The following PARP8 variants were observed in gnomAD, a reference collection of about 807,000 sequenced individuals.
PARP8 encodes the protein poly(ADP-ribose) polymerase family member 8.
PARP8 carries 51 observed loss-of-function variants against 124.1 expected under a neutral mutation model. The ratio of observed to expected loss-of-function variants is 0.41; its 90% CI spans 0.33 to 0.52. The LOEUF (loss-of-function observed/expected upper bound fraction) is 0.52, where lower values mean the gene tolerates loss of function less well. Ranked by LOEUF, PARP8 falls within the 20% of genes least tolerant of loss-of-function variation. The probability of loss-of-function intolerance (pLI) is 0.21; values close to 1 mark genes in which losing one functional copy is unlikely to be tolerated. For missense variants in PARP8, 860 were observed against 1,018.9 expected, an observed-to-expected ratio of 0.84 and a Z score of 2.12; for synonymous variants, 391 against 361.5, an observed-to-expected ratio of 1.08 and a Z score of -0.93.
At chr5:50,739,157 G>T (rs1413370228) in intron 2 of PARP8, 3 of 688,052 alleles carry the variant, frequency 4.4e-6, no homozygotes, top group Non-Finnish European at 8.0e-6. Context: ...AGGCCAAAGT[G>T]TAGGACACAG....
At chr5:50,667,763 G>A in intron 1 of PARP8, 1 of 740,704 alleles carries the variant, frequency 1.4e-6, no homozygotes, top group Non-Finnish European at 2.4e-6. Context: ...CGTCCATTTT[G>A]CTCCCCCGGG....
chr5:50,816,859 G>A (rs1745162165), intron 15 of PARP8, among the ~76,000 whole-genome samples: 1 of 151,714 alleles, frequency 6.6e-6, no homozygotes, highest in Non-Finnish European at 1.5e-5. Context: ...AAATGTGAAA[G>A]TTTTTCTTGT....
chr5:50,765,919 C>T (rs979099401), intron 7 of PARP8, among the ~76,000 whole-genome samples: 4 of 152,232 alleles, frequency 2.6e-5, no homozygotes, highest in African/African-American at 9.6e-5. Flanking sequence ...TTGGGGCTTA[C>T]AAGAACTTAA....
intron 7 of PARP8, among the ~76,000 whole-genome samples, chr5:50,773,486 G>A (rs1761833359): frequency 6.6e-6 from 1 of 152,136 alleles, no homozygotes; most frequent in Non-Finnish European, 1.5e-5. Context: ...GGTTGTAAGT[G>A]TATGGATGTA....
chr5:50,800,737 C>T (rs1743110891), intron 14 of PARP8, among the ~76,000 whole-genome samples: 1 of 150,064 alleles, frequency 6.7e-6, no homozygotes, highest in East Asian at 2.0e-4. Flanking sequence ...CTATCTGGGC[C>T]TGGAGATTTC....
At chr5:50,707,618 T>C (rs1754282347) in intron 2 of PARP8, among the ~76,000 whole-genome samples, 1 of 116,564 alleles carries the variant, frequency 8.6e-6, no homozygotes, top group Admixed American at 1.0e-4. Context: ...TAGAGATAGA[T>C]AGGGGAGACA....
intron 7 of PARP8, among the ~76,000 whole-genome samples, chr5:50,777,852 G>A (rs190186275): frequency 1.3e-5 from 2 of 152,234 alleles, no homozygotes; most frequent in Admixed American, 6.5e-5. Context: ...ATGCATGTGC[G>A]TGTACAAGAC....
At chr5:50,813,086 G>A (rs1375884932) in intron 14 of PARP8, among the ~76,000 whole-genome samples, 1 of 152,024 alleles carries the variant, frequency 6.6e-6, no homozygotes, top group Non-Finnish European at 1.5e-5. Flanking sequence ...GCTCTTTTTT[G>A]GTTCCATATG....
intron 2 of PARP8, among the ~76,000 whole-genome samples, chr5:50,727,089 T>C (rs1159575677): frequency 2.6e-5 from 4 of 152,126 alleles, no homozygotes; most frequent in Admixed American, 2.0e-4. Context: ...GCAATTCCTT[T>C]GTATAGTAGT....
chr5:50,675,490 C>G (rs763334693), intron 2 of PARP8, among the ~76,000 whole-genome samples: 1 of 152,038 alleles, frequency 6.6e-6, no homozygotes, highest in African/African-American at 2.4e-5. Context: ...TATTCTTAGT[C>G]GAGACGGGAA....
intron 2 of PARP8, among the ~76,000 whole-genome samples, chr5:50,747,761 C>CTTTTTTTTTTTTTT (rs70972943): frequency 1.9e-5 from 1 of 52,898 alleles, no homozygotes; most frequent in African/African-American, 5.2e-5. Flanking sequence ...ATAGACCTTG[C>CTTTTTTTTTTTTTT]TTTTTTTTTT....
chr5:50,781,986 G>C (rs77169734), intron 9 of PARP8, among the ~76,000 whole-genome samples: 2 of 152,100 alleles, frequency 1.3e-5, no homozygotes, highest in Non-Finnish European at 2.9e-5. Context: ...TGCACTCAGG[G>C]TCTGCTTCTG....
At chr5:50,711,878 C>T (rs1198134449) in intron 2 of PARP8, among the ~76,000 whole-genome samples, 1 of 152,070 alleles carries the variant, frequency 6.6e-6, no homozygotes, top group Non-Finnish European at 1.5e-5. Context: ...GTTAACTTCT[C>T]TTTTCTCTTT....
chr5:50,844,174 C>T lies in PARP8; in HGVS notation c.*2106C>T, dbSNP rs2149739402. The stretch of plus-strand genomic sequence containing the variant: ...GACTTAAGAATAACAGTAGGTTCAC[C>T]TATCTGAGGAAATTAAGTAGTTGAT... On this transcript the variant is annotated 3_prime_UTR_variant, in exon 26 of 26. Coordinates refer to ENST00000281631, the MANE Select transcript of PARP8 (RefSeq NM_024615.4). 6.6e-6 allele frequency: 1 copy of T among 151,852 alleles called. No homozygotes were observed. Among genetic ancestry groups the T allele is most frequent in the East Asian group, 1.9e-4 (1 of 5,158 alleles). 9.4% of individuals were successfully genotyped at this position (151,852 alleles called of 1,614,324 possible). A position where few individuals can be genotyped will look rare whatever the true frequency, so the allele number is the denominator to read the frequency against.
chr5:50,817,940 T>G (rs1411595121), intron 15 of PARP8, among the ~76,000 whole-genome samples: 2 of 152,198 alleles, frequency 1.3e-5, no homozygotes, highest in African/African-American at 4.8e-5. Context: ...TTCACAGACC[T>G]TTTTATCTTC....
chr5:50,739,723 TATATA>T (rs1757831418), intron 2 of PARP8, among the ~76,000 whole-genome samples: 2 of 106,012 alleles, frequency 1.9e-5, no homozygotes, highest in Non-Finnish European at 3.9e-5. Context: ...TATATATATA[TATATA>T]TATATTTTTT....
intron 7 of PARP8, 164 bp downstream of exon 7, chr5:50,763,406 A>G (rs1335345619): frequency 3.5e-6 from 2 of 569,922 alleles, no homozygotes; most frequent in African/African-American, 1.9e-5. Flanking sequence ...ATTTATGGCT[A>G]TTTTTTTGAT....
intron 2 of PARP8, among the ~76,000 whole-genome samples, chr5:50,718,933 T>G (rs887487063): frequency 6.6e-6 from 1 of 152,056 alleles, no homozygotes; most frequent in African/African-American, 2.4e-5. Context: ...CCACCAACAA[T>G]GTACCAGGGG....
intron 2 of PARP8, among the ~76,000 whole-genome samples, chr5:50,688,372 AT>A (rs1346088614): frequency 6.6e-6 from 1 of 152,208 alleles, no homozygotes; most frequent in African/African-American, 2.4e-5. Flanking sequence ...TGCTGTTAGT[AT>A]TTCTATCATG....
Sources: gnomAD v4.1 joint callset for allele counts (sites outside exome capture counted in the v4.1 genomes callset) on GRCh38, gnomAD v4.1.1 for gene constraint, MANE v1.5 for transcripts, NCBI Gene and HGNC (gene_info 2026-07-23, HGNC 2026-07-21) for gene names.